RIMS2: variants seen among roughly 807,000 people sequenced by gnomAD.
RIMS2 encodes the protein regulating synaptic membrane exocytosis 2, also known as regulating synaptic membrane exocytosis protein 2.
A neutral mutation model predicts 174.4 loss-of-function variants in RIMS2; 59 were observed. The ratio of observed to expected loss-of-function variants is 0.34; its 90% CI spans 0.27 to 0.42. The LOEUF (loss-of-function observed/expected upper bound fraction) is 0.42, where lower values mean the gene tolerates loss of function less well. Among genes scored for constraint, RIMS2 ranks in the 10% least tolerant of loss-of-function variants. The pLI is 1.00. For synonymous variants in RIMS2, 606 were observed against 572.5 expected (o/e 1.06, Z -0.84); for missense variants, 1,620 against 1,666.3 (o/e 0.97, Z 0.48).
intron 2 of RIMS2, among the ~76,000 whole-genome samples, chr8:103,716,897 T>C (rs980631994): frequency 6.6e-6 from 1 of 152,158 alleles, no homozygotes; most frequent in Non-Finnish European, 1.5e-5. Flanking sequence ...CTCAGGTAGA[T>C]ACGACTAGAC....
chr8:103,724,155 G>A (rs185042166), intron 2 of RIMS2, among the ~76,000 whole-genome samples: 9 of 149,156 alleles, frequency 6.0e-5, no homozygotes, highest in African/African-American at 2.2e-4. Flanking sequence ...TACCCTCTTC[G>A]ATGTGTCTGT....
rs755909212 is a variant in RIMS2 at position 104,014,569 on chromosome 8, G to A, written c.3288G>A (p.Arg1096=). ...CAAGTACTCCAGTCGCAGGACGAAGGGGCCGACAGCTTCCACAGCTTCCAC... is the reference window on the plus strand; with the variant it reads ...CAAGTACTCCAGTCGCAGGACGAAGAGGCCGACAGCTTCCACAGCTTCCAC... Residue 1096 remains arginine, a synonymous_variant, in exon 19 of 24, where the codon AGG becomes AGA. Transcript: ENST00000504942. 1.9e-6 allele frequency: 3 copies of A among 1,613,180 alleles called. No homozygotes were observed. The South Asian group carries it at 3.3e-5, about 18-fold the overall frequency.
At chr8:103,678,793 A>T (rs1252403743) in intron 1 of RIMS2, among the ~76,000 whole-genome samples, 1 of 152,140 alleles carries the variant, frequency 6.6e-6, no homozygotes, top group Non-Finnish European at 1.5e-5. Flanking sequence ...ATTCAATTGA[A>T]ATACCAATCT....
At chr8:104,139,598 G>A (rs1392956144) in intron 19 of RIMS2, among the ~76,000 whole-genome samples, 1 of 152,028 alleles carries the variant, frequency 6.6e-6, no homozygotes, top group African/African-American at 2.4e-5. Context: ...ACTGATTTTT[G>A]TATGTCAATT....
intron 2 of RIMS2, among the ~76,000 whole-genome samples, chr8:103,739,152 G>A (rs1012676994): frequency 6.6e-6 from 1 of 152,130 alleles, no homozygotes; most frequent in Non-Finnish European, 1.5e-5. Flanking sequence ...ATGATAGACT[G>A]GATTAAGAAA....
At chr8:103,745,585 C>T (rs1383519318) in intron 2 of RIMS2, among the ~76,000 whole-genome samples, 1 of 152,168 alleles carries the variant, frequency 6.6e-6, no homozygotes, top group Non-Finnish European at 1.5e-5. Flanking sequence ...TTCCCACCAA[C>T]AATGTACAAG....
chr8:103,816,154 A>T (rs1196006191), intron 3 of RIMS2, among the ~76,000 whole-genome samples: 4 of 152,336 alleles, frequency 2.6e-5, no homozygotes, highest in African/African-American at 9.6e-5. Flanking sequence ...TACAGAGTCC[A>T]TTCAAAGCAC....
At chr8:103,811,725 C>T (rs989555269) in intron 3 of RIMS2, among the ~76,000 whole-genome samples, 5 of 152,232 alleles carry the variant, frequency 3.3e-5, no homozygotes, top group Non-Finnish European at 5.9e-5. Context: ...GGATTACAGG[C>T]GTGGGCCACC....
intron 12 of RIMS2, among the ~76,000 whole-genome samples, chr8:103,933,116 C>T (rs2080350142): frequency 6.6e-6 from 1 of 152,100 alleles, no homozygotes; most frequent in Admixed American, 6.5e-5. Context: ...CAAGGTGAAA[C>T]CCCGTCTCTA....
chr8:104,138,723 T>C (rs933441427), intron 19 of RIMS2, among the ~76,000 whole-genome samples: 3 of 146,424 alleles, frequency 2.0e-5, no homozygotes, highest in Non-Finnish European at 4.4e-5. Flanking sequence ...GTGGATTGTC[T>C]CTTCACTTTG....
intron 19 of RIMS2, among the ~76,000 whole-genome samples, chr8:104,165,898 T>C (rs1486040356): frequency 1.3e-5 from 2 of 152,084 alleles, no homozygotes; most frequent in Non-Finnish European, 2.9e-5. Context: ...CTATGGAAAA[T>C]TTAAAAATTA....
At chr8:104,018,055 AC>A (rs1422501661) in intron 19 of RIMS2, among the ~76,000 whole-genome samples, 1 of 145,838 alleles carries the variant, frequency 6.9e-6, no homozygotes, top group East Asian at 2.0e-4. Context: ...AGCCTGGGTG[AC>A]AGTGAGACTC....
intron 19 of RIMS2, 79 bp downstream of exon 23, chr8:104,068,691 A>G: frequency 1.4e-6 from 1 of 736,756 alleles, no homozygotes; most frequent in East Asian, 2.7e-5. Context: ...TACTAAATGC[A>G]GATTAGTCAG....
chr8:104,144,941 A>C (rs2098620687), intron 19 of RIMS2, among the ~76,000 whole-genome samples: 1 of 152,150 alleles, frequency 6.6e-6, no homozygotes, highest in African/African-American at 2.4e-5. Flanking sequence ...TATGTCGTCC[A>C]AAGCTAAGTT....
chr8:103,501,010 G>T, exon 1 of RIMS2: 1 of 1,611,524 alleles, frequency 6.2e-7, no homozygotes, highest in Admixed American at 1.7e-5. Flanking sequence ...AATCATCCTG[G>T]CCGTCATGGA....
chr8:103,602,540 A>G (rs998087178), intron 1 of RIMS2, among the ~76,000 whole-genome samples: 1 of 152,096 alleles, frequency 6.6e-6, no homozygotes, highest in African/African-American at 2.4e-5. Flanking sequence ...TCCCACTTAC[A>G]AGTGAGAACA....
intron 3 of RIMS2, among the ~76,000 whole-genome samples, chr8:103,838,805 C>T (rs2098920647): frequency 6.6e-6 from 1 of 152,184 alleles, no homozygotes. Context: ...GTGGCTCACG[C>T]CTGTAATCCC....
At chr8:103,639,379 T>C (rs962576186) in intron 1 of RIMS2, among the ~76,000 whole-genome samples, 1 of 151,940 alleles carries the variant, frequency 6.6e-6, no homozygotes, top group South Asian at 2.1e-4. Flanking sequence ...TTGACAAACA[T>C]GTAATTATCC....
At chr8:103,738,609 G>A (rs1359094602) in intron 2 of RIMS2, among the ~76,000 whole-genome samples, 2 of 152,020 alleles carry the variant, frequency 1.3e-5, no homozygotes, top group East Asian at 1.9e-4. Context: ...TACAGAATGG[G>A]AGAAAATTTT....
Sources: gnomAD v4.1 joint callset for allele counts (sites outside exome capture counted in the v4.1 genomes callset) on GRCh38, gnomAD v4.1.1 for gene constraint, MANE v1.5 for transcripts, NCBI Gene and HGNC (gene_info 2026-07-23, HGNC 2026-07-21) for gene names.